Variants in ECPAS observed in about 807,000 individuals in gnomAD.
ECPAS encodes proteasome adapter and scaffold protein ECM29.
Under a neutral mutation model 255.1 loss-of-function variants are expected in ECPAS, and 70 were observed. The observed-to-expected ratio is 0.27, with a 90% confidence interval of 0.23 to 0.33. The LOEUF (loss-of-function observed/expected upper bound fraction) is 0.33, where lower values mean the gene tolerates loss of function less well. Among genes scored for constraint, ECPAS ranks in the 10% least tolerant of loss-of-function variants. The probability of loss-of-function intolerance (pLI) is 1.00; values close to 1 mark genes in which losing one functional copy is unlikely to be tolerated. For missense variants in ECPAS, 1,817 were observed against 2,206.4 expected (o/e 0.82, Z 3.54); for synonymous variants, 784 against 775.0 (o/e 1.01, Z -0.19).
At chr9:111,362,190 A>C (rs569979713) in intron 49 of ECPAS, 21 bp from the exon 50 acceptor site, 1 of 1,515,530 alleles carries the variant, frequency 6.6e-7, no homozygotes. Context: ...AAAAAAAAAC[A>C]AAAACAAAAA....
At chr9:111,433,431 A>C (rs565186865) in intron 7 of ECPAS, 59 bp from the exon 8 acceptor site, 1 of 1,578,932 alleles carries the variant, frequency 6.3e-7, no homozygotes, top group South Asian at 1.1e-5. Flanking sequence ...ACACCCACTG[A>C]AAGTACTGCT....
chr9:111,446,647 C>T (rs1158964028), intron 3 of ECPAS, among the ~76,000 whole-genome samples: 1 of 152,156 alleles, frequency 6.6e-6, no homozygotes, highest in Non-Finnish European at 1.5e-5. Context: ...AGTTTCTATG[C>T]ACTCTTCCCC....
intron 31 of ECPAS, among the ~76,000 whole-genome samples, chr9:111,387,956 A>C (rs977129380): frequency 6.6e-6 from 1 of 152,218 alleles, no homozygotes; most frequent in African/African-American, 2.4e-5. Context: ...TTTTATCCCC[A>C]GTACCTTACC....
chr9:111,387,521 G>A (rs960906287), intron 31 of ECPAS, among the ~76,000 whole-genome samples: 1 of 151,574 alleles, frequency 6.6e-6, no homozygotes, highest in Non-Finnish European at 1.5e-5. Flanking sequence ...CAGTTATTGA[G>A]GGACAGAGTC....
At position 111,369,145 on chromosome 9, in the gene ECPAS, G is replaced by A; in HGVS notation, c.5003C>T (p.Thr1668Ile). The change falls in exon 46 of 50, where the codon ACA becomes ATA. Residue 1668 changes from threonine (T) to isoleucine (I), a missense_variant. Coordinates refer to ENST00000684092, the MANE Select transcript of ECPAS (RefSeq NM_001364929.1). The part of the protein sequence containing the change: ...KNSLESSGVR[T>I]TKNEEENEKE... Reference sequence around the variant, plus strand: ...TTCATTCTCCTCTTCATTTTTGGTTGTCCGGACCCCACTGCTTTCAAGTGA... The same window carrying A: ...TTCATTCTCCTCTTCATTTTTGGTTATCCGGACCCCACTGCTTTCAAGTGA... 6.3e-7 allele frequency: 1 copy of A among 1,597,810 alleles called. No homozygotes were observed. The highest frequency in any genetic ancestry group is 1.7e-4 in the Middle Eastern group (1 of 5,968).
intron 24 of ECPAS, among the ~76,000 whole-genome samples, chr9:111,400,230 G>A (rs758272634): frequency 6.6e-6 from 1 of 152,176 alleles, no homozygotes; most frequent in African/African-American, 2.4e-5. Context: ...CAACTGCAGT[G>A]ACCACAGGCT....
intron 24 of ECPAS, among the ~76,000 whole-genome samples, chr9:111,399,197 GA>G (rs964866569): frequency 4.1e-4 from 62 of 150,154 alleles, no homozygotes; most frequent in African/African-American, 1.4e-3. Context: ...TTAAAATTGA[GA>G]AAAAAAAAGC....
chr9:111,475,080 CTG>C (rs2132100921), intron 1 of ECPAS, among the ~76,000 whole-genome samples: 2 of 152,308 alleles, frequency 1.3e-5, no homozygotes, highest in Admixed American at 6.5e-5. Flanking sequence ...TTCCAAAGAA[CTG>C]TGTTAGGCAG....
intron 7 of ECPAS, 102 bp from the exon 8 acceptor site, chr9:111,433,474 A>G: frequency 1.6e-6 from 2 of 1,213,638 alleles, no homozygotes; most frequent in East Asian, 2.4e-5. Flanking sequence ...GCCAAAGATG[A>G]GCAGTAACAA....
intron 38 of ECPAS, among the ~76,000 whole-genome samples, chr9:111,374,361 T>A (rs1262026995): frequency 6.6e-6 from 1 of 152,194 alleles, no homozygotes; most frequent in Non-Finnish European, 1.5e-5. Flanking sequence ...TATCTTCAGG[T>A]GTGCCTGAAG....
intron 2 of ECPAS, among the ~76,000 whole-genome samples, chr9:111,469,524 C>T (rs921004101): frequency 1.3e-5 from 2 of 149,714 alleles, no homozygotes; most frequent in East Asian, 2.0e-4. Context: ...TACGAGACTC[C>T]GTCCCGCCAG....
At chr9:111,426,369 A>T (rs573189023) in intron 10 of ECPAS, among the ~76,000 whole-genome samples, 1 of 135,618 alleles carries the variant, frequency 7.4e-6, no homozygotes, top group Non-Finnish European at 1.6e-5. Flanking sequence ...TACTTACACT[A>T]AAAAAAAAAA....
intron 37 of ECPAS, 140 bp from the exon 38 acceptor site, chr9:111,375,342 A>T: frequency 1.5e-6 from 1 of 658,782 alleles, no homozygotes; most frequent in South Asian, 1.8e-5. Context: ...TTCTGCTCTG[A>T]TTTCAATATT....
At chr9:111,458,657 G>A (rs989918707) in intron 2 of ECPAS, among the ~76,000 whole-genome samples, 5 of 151,596 alleles carry the variant, frequency 3.3e-5, no homozygotes, top group African/African-American at 9.7e-5. Context: ...GGTGGGGGGG[G>A]TGTTAGAAAT....
chr9:111,377,928 C>T (rs927951125), intron 36 of ECPAS, among the ~76,000 whole-genome samples: 7 of 152,066 alleles, frequency 4.6e-5, no homozygotes, highest in South Asian at 2.1e-4. Context: ...GGGTGGATCA[C>T]GAGGTCAGGA....
At chr9:111,382,445 T>C (rs990486580) in intron 35 of ECPAS, among the ~76,000 whole-genome samples, 15 of 151,824 alleles carry the variant, frequency 9.9e-5, no homozygotes, top group African/African-American at 3.6e-4. Context: ...TTTTTGTATT[T>C]TTAGTAGAGA....
intron 2 of ECPAS, 113 bp downstream of exon 2, chr9:111,472,784 G>T (rs1300448262): frequency 5.0e-6 from 1 of 198,762 alleles, no homozygotes. Context: ...GCTAGAAAAG[G>T]AAAAAAAAAA....
At chr9:111,421,843 G>A in intron 15 of ECPAS, 78 bp downstream of exon 15, 2 of 1,515,202 alleles carry the variant, frequency 1.3e-6, no homozygotes, top group Non-Finnish European at 1.8e-6. Flanking sequence ...CTTATCAAAA[G>A]TTAAGTAGCA....
chr9:111,386,541 C>A, intron 31 of ECPAS, 85 bp from the exon 32 acceptor site: 1 of 725,148 alleles, frequency 1.4e-6, no homozygotes, highest in South Asian at 1.7e-5. Flanking sequence ...TGGTTAACCA[C>A]ACTTAACCAC....
Sources: allele counts gnomAD v4.1 joint callset (sites outside exome capture counted in the v4.1 genomes callset), GRCh38; gene constraint gnomAD v4.1.1; transcripts MANE v1.5; gene names NCBI Gene and HGNC (gene_info 2026-07-23, HGNC 2026-07-21).